Variants in DCC observed in about 807,000 individuals in gnomAD.
The protein encoded by DCC is netrin receptor DCC.
A neutral mutation model predicts 172.5 loss-of-function variants in DCC; 58 were observed. That is an observed-to-expected ratio of 0.34 (90% CI 0.27 to 0.42). The LOEUF is 0.42. DCC is among the 10% of genes least tolerant of loss of function. The probability of loss-of-function intolerance (pLI) is 1.00; values close to 1 mark genes in which losing one functional copy is unlikely to be tolerated. For missense variants in DCC, 1,740 were observed against 1,791.0 expected (o/e 0.97, Z 0.51); for synonymous variants, 709 against 644.5 (o/e 1.10, Z -1.52).
At chr18:52,584,478 T>G (rs2033625428) in intron 1 of DCC, among the ~76,000 whole-genome samples, 1 of 152,132 alleles carries the variant, frequency 6.6e-6, no homozygotes, top group Admixed American at 6.5e-5. Flanking sequence ...CAACTGGCTG[T>G]TAGTTTGCAG....
chr18:53,345,934 T>G (rs1470074013), intron 15 of DCC, among the ~76,000 whole-genome samples: 1 of 152,048 alleles, frequency 6.6e-6, no homozygotes, highest in Non-Finnish European at 1.5e-5. Context: ...TTTGTGTCCC[T>G]GTTTTCCCTT....
At chr18:52,532,245 A>G (rs548444661) in intron 1 of DCC, among the ~76,000 whole-genome samples, 5 of 152,328 alleles carry the variant, frequency 3.3e-5, no homozygotes, top group East Asian at 1.9e-4. Flanking sequence ...CAAAAAAAGC[A>G]TCCTAGGCAT....
At chr18:52,658,203 G>A (rs1411743207) in intron 1 of DCC, among the ~76,000 whole-genome samples, 2 of 152,180 alleles carry the variant, frequency 1.3e-5, no homozygotes, top group African/African-American at 4.8e-5. Context: ...GGTGGGGAGT[G>A]TTAATCCAGT....
At chr18:52,731,271 G>C (rs1429089857) in intron 1 of DCC, among the ~76,000 whole-genome samples, 1 of 152,078 alleles carries the variant, frequency 6.6e-6, no homozygotes, top group Non-Finnish European at 1.5e-5. Flanking sequence ...GGAGGTGAGA[G>C]AACAAAAAGG....
chr18:53,326,348 G>C (rs545216454), intron 14 of DCC, among the ~76,000 whole-genome samples: 1 of 152,300 alleles, frequency 6.6e-6, no homozygotes, highest in East Asian at 1.9e-4. Context: ...AAATATGTGG[G>C]ATGTGTATGT....
At chr18:52,614,134 G>A (rs961314580) in intron 1 of DCC, among the ~76,000 whole-genome samples, 54 of 152,012 alleles carry the variant, frequency 3.6e-4, no homozygotes, top group Admixed American at 1.7e-3. Context: ...TGCTTCTGTC[G>A]CTGCCAAAGT....
chr18:52,627,410 A>T (rs8097187), intron 1 of DCC, among the ~76,000 whole-genome samples: 36,047 of 152,182 alleles, frequency 0.24, 5,045 homozygotes, highest in East Asian at 0.55. Flanking sequence ...TTCACAAGAC[A>T]TCAACACTGC....
At chr18:53,478,808 A>G (rs1294108005) in intron 25 of DCC, among the ~76,000 whole-genome samples, 2 of 152,340 alleles carry the variant, frequency 1.3e-5, no homozygotes, top group African/African-American at 2.4e-5. Flanking sequence ...ATAAAGCTAC[A>G]TGAGAAAGGG....
At chr18:52,984,648 A>G (rs1442206868) in intron 5 of DCC, among the ~76,000 whole-genome samples, 1 of 152,118 alleles carries the variant, frequency 6.6e-6, no homozygotes, top group Admixed American at 6.6e-5. Flanking sequence ...ACATTCATAC[A>G]TGCTCTTTGC....
chr18:52,842,887 C>T (rs1399106607), intron 2 of DCC, among the ~76,000 whole-genome samples: 12 of 152,108 alleles, frequency 7.9e-5, no homozygotes, highest in African/African-American at 1.2e-4. Flanking sequence ...TTGTCTTTAG[C>T]ATCTGGCTTA....
chr18:53,163,375 A>G (rs545191304), intron 8 of DCC, among the ~76,000 whole-genome samples: 3 of 152,304 alleles, frequency 2.0e-5, no homozygotes, highest in African/African-American at 7.2e-5. Flanking sequence ...TTTTATTCTA[A>G]TATCTCCATT....
intron 8 of DCC, among the ~76,000 whole-genome samples, chr18:53,175,634 C>G (rs2055080388): frequency 1.3e-5 from 2 of 151,594 alleles, no homozygotes; most frequent in South Asian, 4.2e-4. Flanking sequence ...TGTGAAGGAC[C>G]TCTTCAAGGA....
intron 25 of DCC, among the ~76,000 whole-genome samples, chr18:53,471,982 A>G (rs1025350694): frequency 2.6e-5 from 4 of 152,178 alleles, no homozygotes; most frequent in East Asian, 1.9e-4. Context: ...TGAGTCGCCA[A>G]TACCCAGAAC....
At chr18:53,469,189 T>G (rs2045664985) in intron 25 of DCC, among the ~76,000 whole-genome samples, 1 of 152,164 alleles carries the variant, frequency 6.6e-6, no homozygotes, top group Non-Finnish European at 1.5e-5. Context: ...AGTCACTTAT[T>G]ATCTTCAGTC....
At chr18:52,605,817 G>C (rs1459823675) in intron 1 of DCC, among the ~76,000 whole-genome samples, 1 of 152,058 alleles carries the variant, frequency 6.6e-6, no homozygotes, top group African/African-American at 2.4e-5. Flanking sequence ...ATAATTATAT[G>C]TGAATTCAGC....
rs1375407977 is a variant in DCC, at chr18:53,450,619, G to A, written c.3349G>A (p.Val1117Met). The A allele has an allele frequency of 3.7e-6, 6 of 1,611,674 alleles. No homozygotes were observed. The highest frequency in any genetic ancestry group is 2.2e-5 in the East Asian group (1 of 44,716). Residue 1117 changes from valine (V) to methionine (M), a missense_variant, in exon 23 of 29, where the codon GTG becomes ATG. By Grantham distance (21) the Val-to-Met change is conservative (BLOSUM62 1). Transcript: ENST00000442544. ...GVITVLVVVIVAVICTRRSSA... is the reference protein window; with the variant it reads ...GVITVLVVVIMAVICTRRSSA... ...CATCACAGTGCTGGTAGTGGTCATCGTGGCTGTGATTTGCACCCGACGCTC... is the reference window on the plus strand; with the variant it reads ...CATCACAGTGCTGGTAGTGGTCATCATGGCTGTGATTTGCACCCGACGCTC...
chr18:52,975,159 A>C (rs2041096873), intron 5 of DCC, among the ~76,000 whole-genome samples: 1 of 152,136 alleles, frequency 6.6e-6, no homozygotes, highest in African/African-American at 2.4e-5. Flanking sequence ...AACCTCGACC[A>C]CATATAATTA....
At chr18:53,510,960 T>C (rs1339312128) in intron 27 of DCC, among the ~76,000 whole-genome samples, 2 of 152,204 alleles carry the variant, frequency 1.3e-5, no homozygotes, top group Non-Finnish European at 2.9e-5. Context: ...TTTTTTATTT[T>C]TGTCTAAGAA....
intron 12 of DCC, among the ~76,000 whole-genome samples, chr18:53,285,544 T>C (rs1011592897): frequency 6.6e-6 from 1 of 152,206 alleles, no homozygotes; most frequent in Non-Finnish European, 1.5e-5. Flanking sequence ...TGGCAGAAGT[T>C]TGCTGCAGGG....
Sources: gnomAD v4.1 joint callset for allele counts (sites outside exome capture counted in the v4.1 genomes callset) on GRCh38, gnomAD v4.1.1 for gene constraint, MANE v1.5 for transcripts, NCBI Gene and HGNC (gene_info 2026-07-23, HGNC 2026-07-21) for gene names.